The following CDON variants were observed in gnomAD, a reference collection of about 807,000 sequenced individuals.
The protein encoded by CDON is cell adhesion molecule-related/down-regulated by oncogenes.
A neutral mutation model predicts 120.9 loss-of-function variants in CDON; 73 were observed. The ratio of observed to expected loss-of-function variants is 0.60; its 90% CI spans 0.50 to 0.73. The LOEUF (loss-of-function observed/expected upper bound fraction) is 0.73, where lower values mean the gene tolerates loss of function less well. Among genes scored for constraint, CDON ranks in the 30% least tolerant of loss-of-function variants. The pLI, the probability that CDON is intolerant of heterozygous loss-of-function variation, is 0.00. For synonymous variants in CDON, 566 were observed against 573.5 expected (o/e 0.99, Z 0.19); for missense variants, 1,470 against 1,587.3 (o/e 0.93, Z 1.26).
At position 125,957,937 on chromosome 11, in the gene CDON, C is replaced by T. The variant is rs753830675; in HGVS notation, c.*3005G>A. The T allele has an allele frequency of 7.9e-5, 12 of 152,262 alleles. No homozygotes were observed. The highest frequency in any genetic ancestry group is 1.3e-4 in the Admixed American group (2 of 15,302). 9.4% of individuals were successfully genotyped at this position (152,262 alleles called of 1,614,324 possible). On this transcript the variant is annotated 3_prime_UTR_variant, in exon 20 of 20. Coordinates refer to ENST00000531738, the MANE Select transcript of CDON (RefSeq NM_001378964.1). Reference sequence around the variant, plus strand: ...TATGCTAAAACAATCACACAGAATTCTAGATGAGAAGGAACATGAATAGGC... The same window carrying T: ...TATGCTAAAACAATCACACAGAATTTTAGATGAGAAGGAACATGAATAGGC...
At chr11:125,980,031 C>A (rs929976505) in intron 17 of CDON, among the ~76,000 whole-genome samples, 1 of 152,014 alleles carries the variant, frequency 6.6e-6, no homozygotes, top group African/African-American at 2.4e-5. Flanking sequence ...GGAAAAAAAA[C>A]TCTAAGCTTC....
intron 1 of CDON, among the ~76,000 whole-genome samples, chr11:126,040,600 G>T (rs1251794092): frequency 2.0e-5 from 3 of 151,784 alleles, no homozygotes; most frequent in African/African-American, 7.3e-5. Context: ...CGGATCACAA[G>T]GTCAGGAGAT....
chr11:126,055,000 C>A (rs1948650122), intron 1 of CDON, among the ~76,000 whole-genome samples: 1 of 152,108 alleles, frequency 6.6e-6, no homozygotes, highest in Non-Finnish European at 1.5e-5. Context: ...CCCTGTACAT[C>A]CAATTAAAGA....
chr11:125,993,126 C>T (rs11220306), intron 14 of CDON, among the ~76,000 whole-genome samples: 7,007 of 152,222 alleles, frequency 0.046, 258 homozygotes, highest in Admixed American at 0.12. Flanking sequence ...CATAACAGTC[C>T]GTAAATACCT....
At chr11:126,020,579 C>G (rs1947604515) in intron 3 of CDON, among the ~76,000 whole-genome samples, 1 of 152,182 alleles carries the variant, frequency 6.6e-6, no homozygotes, top group South Asian at 2.1e-4. Context: ...GACAAACTCA[C>G]TACTCCTGGG....
At chr11:125,962,110 G>GTC in intron 18 of CDON, 112 bp from the exon 19 acceptor site, 2 of 835,504 alleles carry the variant, frequency 2.4e-6, no homozygotes, top group Non-Finnish European at 4.0e-6. Flanking sequence ...TCTTAAGAAA[G>GTC]AGTGATGCTT....
At chr11:126,027,888 TCTC>T (rs1947836036) in intron 1 of CDON, among the ~76,000 whole-genome samples, 1 of 151,530 alleles carries the variant, frequency 6.6e-6, no homozygotes, top group African/African-American at 2.4e-5. Context: ...AACATTCAAA[TCTC>T]CTCATGTAAA....
At chr11:126,009,838 GTCA>G (rs1947239775) in intron 8 of CDON, among the ~76,000 whole-genome samples, 1 of 152,086 alleles carries the variant, frequency 6.6e-6, no homozygotes, top group Non-Finnish European at 1.5e-5. Context: ...TAGTTTTTAA[GTCA>G]TCATCACAAA....
At chr11:126,033,549 G>A (rs1948007868) in intron 1 of CDON, among the ~76,000 whole-genome samples, 1 of 152,132 alleles carries the variant, frequency 6.6e-6, no homozygotes, top group African/African-American at 2.4e-5. Context: ...GATATTCCAG[G>A]GATGGAGTCA....
At chr11:126,050,245 T>G (rs566876244) in intron 1 of CDON, among the ~76,000 whole-genome samples, 1 of 151,806 alleles carries the variant, frequency 6.6e-6, no homozygotes, top group South Asian at 2.1e-4. Context: ...AAAGCACCCT[T>G]AGAATTTAGC....
intron 4 of CDON, among the ~76,000 whole-genome samples, chr11:126,019,335 G>GAAATA (rs1947563907): frequency 6.6e-6 from 1 of 152,064 alleles, no homozygotes; most frequent in Non-Finnish European, 1.5e-5. Flanking sequence ...AAAGCAAAAC[G>GAAATA]AAATAAAGGG....
At chr11:125,964,922 T>C (rs1404509130) in intron 18 of CDON, among the ~76,000 whole-genome samples, 2 of 152,152 alleles carry the variant, frequency 1.3e-5, no homozygotes, top group Non-Finnish European at 2.9e-5. Context: ...TTGTTGAAAA[T>C]AATTCTTTTT....
intron 1 of CDON, among the ~76,000 whole-genome samples, chr11:126,038,999 G>C (rs1384830998): frequency 6.6e-6 from 1 of 152,194 alleles, no homozygotes; most frequent in Non-Finnish European, 1.5e-5. Context: ...TATAGACAGA[G>C]GCTTTTAGGT....
intron 1 of CDON, among the ~76,000 whole-genome samples, chr11:126,048,367 T>C (rs1417747669): frequency 2.0e-5 from 3 of 151,940 alleles, no homozygotes; most frequent in Non-Finnish European, 4.4e-5. Flanking sequence ...CCAAGAACAC[T>C]TGGCACATTC....
At position 126,015,483 on chromosome 11, in the gene CDON, T is replaced by C. The variant is rs758218377; in HGVS notation, c.956A>G (p.Gln319Arg). 18 of 1,614,080 alleles carry C rather than the reference T, an allele frequency of 1.1e-5. No individual in the cohort carries two copies. The South Asian group carries it at 1.3e-4, about 12-fold the overall frequency. ...LEHASISKGL[Q>R]DQIVSLGATV... ...GGCACCCAGAGACACTATCTGATCC[T>C]GTAGTCCTTTAGAAATGGAAGCATG... is the stretch of plus-strand genomic sequence containing the variant. Residue 319 changes from glutamine to arginine, a missense_variant, in exon 7 of 20, where the codon CAG becomes CGG. Gln to Arg is a conservative substitution (Grantham distance 43, BLOSUM62 1). Transcript: ENST00000531738.
At chr11:126,040,680 T>G (rs1948232698) in intron 1 of CDON, among the ~76,000 whole-genome samples, 1 of 150,438 alleles carries the variant, frequency 6.6e-6, no homozygotes, top group Non-Finnish European at 1.5e-5. Flanking sequence ...CCGGGCCTGG[T>G]GGCCGGCGCC....
In CDON at chr11:126,004,113, G is replaced by A. The variant is rs369503694; in HGVS notation, c.1852-37C>T. On this transcript the variant is annotated intron_variant, in intron 9 of 19. Transcript: ENST00000531738. ...AAAACACACCAGAAAAGAAAAGCAG[G>A]AGATGGAGGATAGGAAATCTTTCGG... The A allele has an allele frequency of 3.9e-5, 62 of 1,599,386 alleles. No homozygotes were observed. The African/African-American group carries it at 4.0e-4, about 10-fold the overall frequency.
intron 10 of CDON, among the ~76,000 whole-genome samples, chr11:126,002,974 AGG>A (rs1424035853): frequency 1.3e-5 from 2 of 152,056 alleles, no homozygotes; most frequent in East Asian, 1.9e-4. Flanking sequence ...TTCTTTCTCT[AGG>A]GAGACACGTG....
chr11:126,021,596 C>T (rs1251686277), intron 2 of CDON, 76 bp from the exon 3 acceptor site: 5 of 1,249,340 alleles, frequency 4.0e-6, no homozygotes, highest in Non-Finnish European at 4.6e-6. Flanking sequence ...ACATTAAACA[C>T]ATTTCATCTG....
Sources: gnomAD v4.1 joint callset for allele counts (sites outside exome capture counted in the v4.1 genomes callset) on GRCh38, gnomAD v4.1.1 for gene constraint, MANE v1.5 for transcripts, NCBI Gene and HGNC (gene_info 2026-07-23, HGNC 2026-07-21) for gene names.